The following PRSS57 variants were observed in gnomAD, a reference collection of about 807,000 sequenced individuals.
PRSS57 encodes neutrophil serine protease 4.
Under a neutral mutation model 20.6 loss-of-function variants are expected in PRSS57, and 19 were observed. That is an observed-to-expected ratio of 0.92 (90% confidence interval 0.64 to 1.35). PRSS57 has a LOEUF of 1.35. Among genes scored for constraint, PRSS57 ranks in the 40% most tolerant of loss-of-function variants. The probability of loss-of-function intolerance (pLI) is 0.00; values close to 1 mark genes in which losing one functional copy is unlikely to be tolerated. For missense variants in PRSS57, 440 were observed against 403.7 expected, an observed-to-expected ratio of 1.09 and a Z score of -0.77; for synonymous variants, 203 against 176.6, an observed-to-expected ratio of 1.15 and a Z score of -1.19.
chr19:687,416 T>C (rs2031513411), intron 3 of PRSS57, among the ~76,000 whole-genome samples: 1 of 152,066 alleles, frequency 6.6e-6, no homozygotes. Flanking sequence ...TGTTCTTTTC[T>C]TTTTTTTGAG....
At chr19:686,809 C>A in intron 4 of PRSS57, 116 bp downstream of exon 4, 1 of 1,325,968 alleles carries the variant, frequency 7.5e-7, no homozygotes, top group Non-Finnish European at 1.0e-6. Context: ...CTCAGCTTCT[C>A]CGTCTGGTCC....
Position 687,021 on chromosome 19 carries a change from C to G in PRSS57, c.546G>C (p.Leu182=), listed in dbSNP as rs779200919. The change falls in exon 4 of 5, where the codon CTG becomes CTC. Residue 182 remains leucine (L), a synonymous_variant. Coordinates refer to ENST00000329267, the MANE Select transcript of PRSS57 (RefSeq NM_001308209.2). ...AGGAGCTGTTGCAGACGTCCGGGTCCAGCACTCGGACCTTGGCCTCCATCA... is the reference window on the plus strand; with the variant it reads ...AGGAGCTGTTGCAGACGTCCGGGTCGAGCACTCGGACCTTGGCCTCCATCA... The part of the protein sequence containing the change: ...PGLMEAKVRV[L]DPDVCNSSWK... 7 of 1,614,112 alleles carry G rather than the reference C, an allele frequency of 4.3e-6. No individual in the cohort carries two copies. The South Asian group carries it at 7.7e-5, about 18-fold the overall frequency.
chr19:693,221 G>A lies in PRSS57; in HGVS notation c.234-1219C>T, dbSNP rs1438058888. Among the ~76,000 whole-genome samples the A allele has an allele frequency of 1.3e-4, 14 of 111,032 alleles. No homozygotes were observed. The East Asian group carries it at 2.0e-3, about 16-fold the overall frequency. 72.8% of individuals were successfully genotyped at this position (111,032 alleles called of 152,430 possible). A position where few individuals can be genotyped will look rare whatever the true frequency, so the allele number is the denominator to read the frequency against. The stretch of plus-strand genomic sequence containing the variant: ...GCCGGGATTACAGGCGTGAGCCACC[G>A]CACCCGGCCTTTTTTTTTTTTTTTT... On this transcript the variant is annotated intron_variant, in intron 2 of 4. Coordinates refer to ENST00000329267, the MANE Select transcript of PRSS57 (RefSeq NM_001308209.2).
At chr19:691,257 A>G (rs145912872) in intron 3 of PRSS57, 3,964 of 153,704 alleles carry the variant, frequency 0.026, 75 homozygotes, top group Non-Finnish European at 0.042. Flanking sequence ...TGTAATCCCA[A>G]CACTTTGGGA....
chr19:685,740 G>T lies in PRSS57; in HGVS notation c.825C>A (p.Thr275=). The change falls in exon 5 of 5, where the codon ACC becomes ACA. Residue 275 remains threonine (T), a synonymous_variant. Transcript: ENST00000329267. ...CTCAGGCGGCTTCTCCTGGGGGCCT[G>T]GTGGTCCCAGGCAGGGGGCCGGGCT... The part of the protein sequence containing the change: ...SPQPGPLPGT[T]RPPGEAA 1 of 1,553,936 alleles carries T rather than the reference G, an allele frequency of 6.4e-7. No homozygotes were observed. The highest frequency in any genetic ancestry group is 1.4e-5 in the African/African-American group (1 of 73,640).
At chr19:691,837 A>T (rs1405837441) in intron 3 of PRSS57, 21 bp downstream of exon 3, 1 of 1,323,864 alleles carries the variant, frequency 7.6e-7, no homozygotes, top group Non-Finnish European at 9.7e-7. Context: ...AACATACGTC[A>T]GATCCACCCC....
At chr19:691,310 C>T (rs141262223) in intron 3 of PRSS57, 1,749 of 152,528 alleles carry the variant, frequency 0.011, 37 homozygotes, top group African/African-American at 0.039. Context: ...TCGAGACCAG[C>T]CTGGCCAACA....
In PRSS57 at chr19:692,015, G is replaced by T; in HGVS notation, c.234-13C>A. 1 of 1,310,988 alleles carries T rather than the reference G, an allele frequency of 7.6e-7. No individual in the cohort carries two copies. The highest frequency in any genetic ancestry group is 9.8e-7 in the Non-Finnish European group (1 of 1,021,644). The allele number at this position is 1,310,988 out of a possible 1,614,324, so 81.2% of individuals were successfully genotyped here. ...AGTGCGGAGGTCTCTGCAGGGAGGA[G>T]GTGGTGGGTGAGACGGGGGTGAGGG... is the stretch of plus-strand genomic sequence containing the variant. On this transcript the variant is annotated splice_polypyrimidine_tract_variant and intron_variant, in intron 2 of 4. Transcript: ENST00000329267.
At chr19:690,517 CAAGG>C (rs1280713051) in intron 3 of PRSS57, 1 of 236,894 alleles carries the variant, frequency 4.2e-6, no homozygotes, top group African/African-American at 2.3e-5. Flanking sequence ...GCCGCCTGGT[CAAGG>C]ACATAAAGAT....
rs140959435 is a variant in PRSS57 at position 691,892 on chromosome 19, G to A, written c.344C>T (p.Pro115Leu). Residue 115 changes from proline (P) to leucine (L), a missense_variant, in exon 3 of 5, where the codon CCC becomes CTC. Coordinates refer to ENST00000329267, the MANE Select transcript of PRSS57 (RefSeq NM_001308209.2). ...DALTTHPDYH[P>L]MTHANDICLL... is the part of the protein sequence containing the mutation. ...GCAGATGTCGTTGGCGTGGGTCATGGGGTGGTAGTCGGGGTGTGTGGTGAG... is the reference window on the plus strand; with the variant it reads ...GCAGATGTCGTTGGCGTGGGTCATGAGGTGGTAGTCGGGGTGTGTGGTGAG... The A allele has an allele frequency of 4.5e-6, 6 of 1,340,380 alleles. No homozygotes were observed. Among genetic ancestry groups the A allele is most frequent in the African/African-American group, 1.5e-5 (1 of 66,596 alleles). 83.0% of individuals were successfully genotyped at this position (1,340,380 alleles called of 1,614,324 possible).
rs146523492 is a variant in PRSS57 at position 691,882 on chromosome 19, G to A, written c.354C>T (p.His118=). ...CCCGCAGCAGGCAGATGTCGTTGGC[G>A]TGGGTCATGGGGTGGTAGTCGGGGT... is the stretch of plus-strand genomic sequence containing the variant. ...TTHPDYHPMT[H]ANDICLLRLN... The change falls in exon 3 of 5, where the codon CAC becomes CAT. Residue 118 remains histidine, a synonymous_variant. Coordinates refer to ENST00000329267, the MANE Select transcript of PRSS57 (RefSeq NM_001308209.2). The A allele has an allele frequency of 5.5e-5, 73 of 1,335,404 alleles. No individual in the cohort carries two copies. Among genetic ancestry groups the A allele is most frequent in the Non-Finnish European group, 5.3e-5 (55 of 1,033,566 alleles). The allele number at this position is 1,335,404 out of a possible 1,614,324, so 82.7% of individuals were successfully genotyped here. A position where few individuals can be genotyped will look rare whatever the true frequency, so the allele number is the denominator to read the frequency against.
At position 694,956 on chromosome 19, in the gene PRSS57, C is replaced by T; in HGVS notation, c.91G>A (p.Ala31Thr). 1 of 1,555,484 alleles carries T rather than the reference C, an allele frequency of 6.4e-7. No homozygotes were observed. Among genetic ancestry groups the T allele is most frequent in the Non-Finnish European group, 8.7e-7 (1 of 1,151,720 alleles). ...LPVKPPGSWG[A>T]QIIGGHEVTP... ...ACCTCGTGGCCCCCGATGATCTGGG[C>T]CCCCCAGGAGCCTGCTGGAGGGACG... The change falls in exon 2 of 5, where the codon GCC becomes ACC. Residue 31 changes from alanine (A) to threonine (T), a missense_variant. Physicochemically the swap from Ala to Thr is moderately conservative, Grantham distance 58. Transcript: ENST00000329267.
intron 3 of PRSS57, among the ~76,000 whole-genome samples, chr19:687,456 A>G (rs1046052130): frequency 1.3e-5 from 2 of 152,008 alleles, no homozygotes; most frequent in Non-Finnish European, 2.9e-5. Context: ...CCCAGGCTGG[A>G]GTGCAGTGGC....
At position 687,179 on chromosome 19, in the gene PRSS57, A is replaced by G. The variant is rs2031505646; in HGVS notation, c.388T>C (p.Ser130Pro). The G allele has an allele frequency of 1.3e-6, 2 of 1,546,874 alleles. No individual in the cohort carries two copies. The highest frequency in any genetic ancestry group is 1.7e-6 in the Non-Finnish European group (2 of 1,145,394). Residue 130 changes from serine (S) to proline (P), a missense_variant, in exon 4 of 5, where the codon TCT (serine) becomes CCT (proline). Transcript: ENST00000329267. Reference sequence around the variant, plus strand: ...CCCACTGCAGGGCCCAGGACAGCAGAGCCGTTCAGCTGCAGGGAGAGCATG... The same window carrying G: ...CCCACTGCAGGGCCCAGGACAGCAGGGCCGTTCAGCTGCAGGGAGAGCATG... ...NDICLLRLNG[S>P]AVLGPAVGLL...
intron 3 of PRSS57, among the ~76,000 whole-genome samples, chr19:689,222 G>C (rs565722023): frequency 0.012 from 941 of 77,186 alleles, 45 homozygotes; most frequent in Non-Finnish European, 0.02. Context: ...AGGTGACGAC[G>C]GGGTGGTCCA....
At chr19:686,024 C>T in intron 4 of PRSS57, 102 bp from the exon 5 acceptor site, 2 of 1,046,354 alleles carry the variant, frequency 1.9e-6, no homozygotes, top group Admixed American at 5.4e-5. Context: ...CTCCCTACTG[C>T]TCTCCAAGGA....
At position 691,927 on chromosome 19, in the gene PRSS57, G is replaced by T; in HGVS notation, c.309C>A (p.Gly103=). The change falls in exon 3 of 5, where the codon GGC becomes GGA. Residue 103 remains glycine (G), a synonymous_variant. Coordinates refer to ENST00000329267, the MANE Select transcript of PRSS57 (RefSeq NM_001308209.2). ...CGGGGTGTGTGGTGAGAGCATCGAT[G>T]CCAAACACCTGCTGGGTGGGCTCCG... ...STAEPTQQVF[G]IDALTTHPDY... 7.5e-7 allele frequency: 1 copy of T among 1,336,204 alleles called. No individual in the cohort carries two copies. The highest frequency in any genetic ancestry group is 2.6e-5 in the South Asian group (1 of 38,914). The allele number at this position is 1,336,204 out of a possible 1,614,324, so 82.8% of individuals were successfully genotyped here.
chr19:695,054 AAGACAG>A, intron 1 of PRSS57, 87 bp from the exon 2 acceptor site: 1 of 1,275,380 alleles, frequency 7.8e-7, no homozygotes, highest in Non-Finnish European at 1.0e-6. Context: ...AGTAGCGGCC[AAGACAG>A]AGACAGGGGG....
chr19:688,786 A>G (rs2031548308), intron 3 of PRSS57, among the ~76,000 whole-genome samples: 1 of 151,844 alleles, frequency 6.6e-6, no homozygotes, highest in African/African-American at 2.4e-5. Flanking sequence ...TTTAGTAGAG[A>G]TGGGGTTTCA....
Sources: gnomAD v4.1 joint callset for allele counts (sites outside exome capture counted in the v4.1 genomes callset) on GRCh38, gnomAD v4.1.1 for gene constraint, MANE v1.5 for transcripts, NCBI Gene and HGNC (gene_info 2026-07-23, HGNC 2026-07-21) for gene names.